Variants in DOCK10 observed in about 807,000 individuals in gnomAD.
DOCK10 encodes dedicator of cytokinesis 10.
In DOCK10, 145 loss-of-function variants were observed where a neutral mutation model predicts 280.1. The ratio of observed to expected loss-of-function variants is 0.52; its 90% confidence interval spans 0.45 to 0.59. DOCK10 has a LOEUF of 0.59. Among genes scored for constraint, DOCK10 ranks in the 20% least tolerant of loss-of-function variants. The pLI, the probability that DOCK10 is intolerant of heterozygous loss-of-function variation, is 0.00. For missense variants in DOCK10, 2,368 were observed against 2,651.7 expected (o/e 0.89, Z 2.35); for synonymous variants, 915 against 942.2 (o/e 0.97, Z 0.53).
chr2:225,000,753 G>A (rs1334140419), intron 1 of DOCK10, among the ~76,000 whole-genome samples: 2 of 152,220 alleles, frequency 1.3e-5, no homozygotes, highest in East Asian at 1.9e-4. Flanking sequence ...CCTGAGACAG[G>A]AGAATCACTT....
chr2:224,820,886 G>A (rs944744053), intron 28 of DOCK10, among the ~76,000 whole-genome samples: 4 of 152,176 alleles, frequency 2.6e-5, no homozygotes, highest in Non-Finnish European at 4.4e-5. Context: ...TTAGTCAGGC[G>A]AATGGGCTAA....
intron 1 of DOCK10, chr2:224,983,896 A>G (rs1705878202): frequency 2.1e-6 from 1 of 470,548 alleles, no homozygotes; most frequent in South Asian, 1.5e-5. Flanking sequence ...CCCGGGTGCT[A>G]ATCTAAACCA....
chr2:225,012,272 G>C (rs1689464722), intron 1 of DOCK10, among the ~76,000 whole-genome samples: 1 of 152,170 alleles, frequency 6.6e-6, no homozygotes, highest in Admixed American at 6.6e-5. Flanking sequence ...GAAATGAACA[G>C]TAATCGCATA....
intron 1 of DOCK10, among the ~76,000 whole-genome samples, chr2:224,943,564 CT>C (rs1333982205): frequency 6.6e-6 from 1 of 152,116 alleles, no homozygotes; most frequent in East Asian, 1.9e-4. Flanking sequence ...GCAACGATCA[CT>C]TTTTTCTTCT....
chr2:224,842,420 C>T (rs182885670), intron 22 of DOCK10, among the ~76,000 whole-genome samples: 67 of 152,250 alleles, frequency 4.4e-4, no homozygotes, highest in Non-Finnish European at 7.5e-4. Flanking sequence ...GAAGGTGGTA[C>T]CTGGAAAATT....
At chr2:224,894,540 C>T (rs1432523956) in intron 4 of DOCK10, among the ~76,000 whole-genome samples, 1 of 152,196 alleles carries the variant, frequency 6.6e-6, no homozygotes, top group Non-Finnish European at 1.5e-5. Context: ...AGATGCTTTG[C>T]TTTTCAGTTG....
chr2:225,018,666 T>C lies in DOCK10; in HGVS notation c.123+23586A>G, dbSNP rs626496. ...TAATATTATATATATATAATATATATGTAATATTATATATATATAATATAT... is the reference window on the plus strand; with the variant it reads ...TAATATTATATATATATAATATATACGTAATATTATATATATATAATATAT... On this transcript the variant is annotated intron_variant, in intron 1 of 55. Transcript: ENST00000258390. Among the ~76,000 whole-genome samples the C allele has an allele frequency of 5.6e-3, 162 of 28,994 alleles. 7 individuals are homozygous for C. Among genetic ancestry groups the C allele is most frequent in the South Asian group, 0.011 (5 of 446 alleles). 19.0% of individuals were successfully genotyped at this position (28,994 alleles called of 152,430 possible).
intron 7 of DOCK10, among the ~76,000 whole-genome samples, chr2:224,878,143 G>A (rs1479889348): frequency 2.0e-5 from 3 of 152,036 alleles, no homozygotes; most frequent in South Asian, 2.1e-4. Flanking sequence ...ATACCCCTCC[G>A]GCAATGTTCT....
intron 3 of DOCK10, among the ~76,000 whole-genome samples, chr2:224,910,975 C>CTCT (rs200837568): frequency 1.2e-4 from 12 of 103,178 alleles, no homozygotes; most frequent in East Asian, 8.6e-4. Flanking sequence ...TTTCTCTCTC[C>CTCT]CTTTTTTTTT....
intron 1 of DOCK10, among the ~76,000 whole-genome samples, chr2:224,959,772 C>T (rs977797737): frequency 6.6e-6 from 1 of 152,204 alleles, no homozygotes; most frequent in East Asian, 1.9e-4. Flanking sequence ...AATACAGCTG[C>T]AAAACGGAAG....
At chr2:224,857,754 A>G (rs1218036335) in intron 14 of DOCK10, among the ~76,000 whole-genome samples, 1 of 151,934 alleles carries the variant, frequency 6.6e-6, no homozygotes, top group African/African-American at 2.4e-5. Flanking sequence ...AAAAAAAAAT[A>G]GAATTTTTTT....
chr2:224,876,169 T>C lies in DOCK10; in HGVS notation c.800A>G (p.Tyr267Cys), dbSNP rs774925230. The change falls in exon 8 of 56, where the codon TAT becomes TGT. Residue 267 changes from tyrosine to cysteine, a missense_variant. Tyr to Cys is a radical substitution (Grantham distance 194, BLOSUM62 -2). This residue lies in a region of DOCK10 where 1,209 missense variants were observed against 1,250.9 expected (regional missense o/e 0.97). Coordinates refer to ENST00000258390, the MANE Select transcript of DOCK10 (RefSeq NM_014689.3). The part of the protein sequence containing the change: ...AFELKMNDLT[Y>C]FVLAAETESD... Reference sequence around the variant, plus strand: ...CTCTGTTTCAGCTGCCAGCACAAAATAGGTCAGATCATTCATTTTCAATTC... The same window carrying C: ...CTCTGTTTCAGCTGCCAGCACAAAACAGGTCAGATCATTCATTTTCAATTC... 24 of 1,613,782 alleles carry C rather than the reference T, an allele frequency of 1.5e-5. No individual in the cohort carries two copies. Among genetic ancestry groups the C allele is most frequent in the Non-Finnish European group, 2.0e-5 (24 of 1,179,804 alleles).
intron 45 of DOCK10, among the ~76,000 whole-genome samples, chr2:224,794,569 C>A (rs531151963): frequency 6.6e-6 from 1 of 152,234 alleles, no homozygotes; most frequent in South Asian, 2.1e-4. Flanking sequence ...ATTAATTTAA[C>A]GACTCAATTC....
chr2:224,888,117 C>T (rs1699414880), intron 4 of DOCK10, among the ~76,000 whole-genome samples: 1 of 152,078 alleles, frequency 6.6e-6, no homozygotes, highest in African/African-American at 2.4e-5. Context: ...GCACTCCCAT[C>T]ATCATTGTGG....
chr2:224,792,293 A>AT (rs1455330747), intron 47 of DOCK10, among the ~76,000 whole-genome samples: 1 of 151,902 alleles, frequency 6.6e-6, no homozygotes, highest in East Asian at 1.9e-4. Flanking sequence ...TTTTCTTTTT[A>AT]TTTTTTTGGA....
chr2:225,013,107 C>G (rs538005593), intron 1 of DOCK10, among the ~76,000 whole-genome samples: 25 of 152,106 alleles, frequency 1.6e-4, no homozygotes, highest in Non-Finnish European at 3.1e-4. Flanking sequence ...TTTCCTGGAA[C>G]TTTAGTCTGC....
Position 225,042,379 on chromosome 2 carries a change from G to C in DOCK10, c.-5C>G. ...GCGGGTCCGCTCACCGGCCATCGCC[G>C]GTCACGCCAATCGCGCCGCGGGCCC... On this transcript the variant is annotated 5_prime_UTR_variant, in exon 1 of 56. Coordinates refer to ENST00000258390, the MANE Select transcript of DOCK10 (RefSeq NM_014689.3). This position sits in a 1 kb window ranked among gnomAD's most constrained non-coding sequence, Gnocchi z 5.1. The C allele has an allele frequency of 8.0e-7, 1 of 1,253,810 alleles. No individual in the cohort carries two copies. Among genetic ancestry groups the C allele is most frequent in the Non-Finnish European group, 1.0e-6 (1 of 998,324 alleles). The allele number at this position is 1,253,810 out of a possible 1,614,324, so 77.7% of individuals were successfully genotyped here.
chr2:225,025,040 A>G (rs1193605328), intron 1 of DOCK10, among the ~76,000 whole-genome samples: 2 of 152,326 alleles, frequency 1.3e-5, no homozygotes, highest in East Asian at 3.9e-4. Flanking sequence ...TTTTATTTGT[A>G]TTCTTTAAGG....
intron 1 of DOCK10, among the ~76,000 whole-genome samples, chr2:224,939,527 A>G (rs1702887544): frequency 6.6e-6 from 1 of 152,248 alleles, no homozygotes; most frequent in South Asian, 2.1e-4. Flanking sequence ...AAACTAAATT[A>G]CATGTCTCAT....
Sources: allele counts gnomAD v4.1 joint callset (sites outside exome capture counted in the v4.1 genomes callset), GRCh38; gene constraint gnomAD v4.1.1; regional missense constraint gnomAD v4.1.1; non-coding constraint Gnocchi (gnomAD v3.1); transcripts MANE v1.5; gene names NCBI Gene and HGNC (gene_info 2026-07-23, HGNC 2026-07-21).